The following OLA1 variants were observed in gnomAD, a reference collection of about 807,000 sequenced individuals.
The protein encoded by OLA1 is Obg like ATPase 1.
OLA1 carries 14 observed loss-of-function variants against 48.4 expected under a neutral mutation model. The ratio of observed to expected loss-of-function variants is 0.29; its 90% CI spans 0.19 to 0.45. The LOEUF is 0.45. Among genes scored for constraint, OLA1 ranks in the 20% least tolerant of loss-of-function variants. The pLI is 1.00. For synonymous variants in OLA1, 127 were observed against 150.4 expected (o/e 0.84, Z 1.14); for missense variants, 325 against 467.1 (o/e 0.70, Z 2.80).
intron 2 of OLA1, among the ~76,000 whole-genome samples, chr2:174,241,243 A>G (rs1000521464): frequency 6.6e-6 from 1 of 152,208 alleles, no homozygotes; most frequent in Non-Finnish European, 1.5e-5. Flanking sequence ...GAATGCAGTC[A>G]CATGAGGGAT....
intron 7 of OLA1, among the ~76,000 whole-genome samples, chr2:174,088,124 A>C (rs1685025071): frequency 6.6e-6 from 1 of 152,216 alleles, no homozygotes; most frequent in South Asian, 2.1e-4. Context: ...ACTTACATAA[A>C]AGAGGCTCCA....
chr2:174,242,867 A>G (rs1187526341), intron 2 of OLA1, among the ~76,000 whole-genome samples: 1 of 152,238 alleles, frequency 6.6e-6, no homozygotes. Flanking sequence ...AAGAAAAAGC[A>G]GTACAGAACT....
At chr2:174,162,465 A>G (rs1687032675) in intron 4 of OLA1, among the ~76,000 whole-genome samples, 1 of 152,172 alleles carries the variant, frequency 6.6e-6, no homozygotes, top group South Asian at 2.1e-4. Flanking sequence ...CTACGAAGGT[A>G]TTATTGCTTC....
At chr2:174,222,864 G>A (rs1031892563) in intron 4 of OLA1, among the ~76,000 whole-genome samples, 169 bp downstream of exon 4, 2 of 152,152 alleles carry the variant, frequency 1.3e-5, no homozygotes, top group Admixed American at 6.5e-5. Context: ...CTTCAGATAC[G>A]GAGATGATAC....
At chr2:174,166,477 A>T (rs552784859) in intron 4 of OLA1, among the ~76,000 whole-genome samples, 3 of 152,202 alleles carry the variant, frequency 2.0e-5, no homozygotes. Context: ...TGATCTGAAC[A>T]TGAACTCTCA....
chr2:174,129,802 T>C (rs1418291669), intron 5 of OLA1, among the ~76,000 whole-genome samples: 1 of 152,188 alleles, frequency 6.6e-6, no homozygotes, highest in Non-Finnish European at 1.5e-5. Context: ...CCACCATCTG[T>C]AATCCTAAAA....
chr2:174,226,198 C>CAA (rs532536178), intron 3 of OLA1, among the ~76,000 whole-genome samples: 5 of 83,596 alleles, frequency 6.0e-5, no homozygotes, highest in African/African-American at 1.5e-4. Context: ...GACTCCGTCT[C>CAA]AAAAAAAAAA....
At chr2:174,165,995 T>C (rs996898925) in intron 4 of OLA1, among the ~76,000 whole-genome samples, 1 of 151,944 alleles carries the variant, frequency 6.6e-6, no homozygotes, top group African/African-American at 2.4e-5. Context: ...CATGGTGGCA[T>C]GTGCCTGTAG....
chr2:174,212,710 C>A lies in OLA1; in HGVS notation c.373+10323G>T, dbSNP rs185565903. Reference sequence around the variant, plus strand: ...TTTAAATTTTATTTTTATTTTTAAACCTTTTTGTTAAAAACTAAGACACAA... The same window carrying A: ...TTTAAATTTTATTTTTATTTTTAAAACTTTTTGTTAAAAACTAAGACACAA... On this transcript the variant is annotated intron_variant, in intron 4 of 10. Transcript: ENST00000284719. Among the ~76,000 whole-genome samples the A allele has an allele frequency of 2.2e-4, 34 of 151,980 alleles. No individual in the cohort carries two copies. In the East Asian group the frequency reaches 5.6e-3, roughly 25 times the overall value.
At chr2:174,202,650 G>C (rs1688016413) in intron 4 of OLA1, among the ~76,000 whole-genome samples, 1 of 152,080 alleles carries the variant, frequency 6.6e-6, no homozygotes, top group African/African-American at 2.4e-5. Context: ...CCACTTAATA[G>C]GGACCGTAGA....
chr2:174,186,777 T>C (rs1207158885), intron 4 of OLA1, among the ~76,000 whole-genome samples: 2 of 151,978 alleles, frequency 1.3e-5, no homozygotes, highest in Non-Finnish European at 2.9e-5. Flanking sequence ...AAAAAGGAAA[T>C]GTTTATGTTT....
chr2:174,128,402 A>G (rs1042546691), intron 5 of OLA1, among the ~76,000 whole-genome samples: 107 of 150,798 alleles, frequency 7.1e-4, no homozygotes, highest in African/African-American at 2.5e-3. Flanking sequence ...CCTGTCTCCA[A>G]AAAAAAAATG....
chr2:174,183,533 A>G (rs943513372), intron 4 of OLA1, among the ~76,000 whole-genome samples: 1 of 152,212 alleles, frequency 6.6e-6, no homozygotes, highest in Non-Finnish European at 1.5e-5. Flanking sequence ...AGTACTCCCA[A>G]ATAGCTACCT....
chr2:174,242,486 G>A (rs1689026337), intron 2 of OLA1, among the ~76,000 whole-genome samples: 1 of 152,182 alleles, frequency 6.6e-6, no homozygotes, highest in African/African-American at 2.4e-5. Context: ...TCCCCAGCAT[G>A]AGGTTCGGGA....
At chr2:174,243,035 G>C (rs1464018116) in intron 2 of OLA1, among the ~76,000 whole-genome samples, 2 of 151,890 alleles carry the variant, frequency 1.3e-5, no homozygotes, top group East Asian at 1.9e-4. Context: ...TTCAGATGGA[G>C]TCTCGCTCTG....
At position 174,075,264 on chromosome 2, in the gene OLA1, G is replaced by GT. The variant is rs1010328017; in HGVS notation, c.*161_*162insA. ...GAACCTGCATTTCATGGGGGGGGGG[G>GT]GGTACACAGTATTTTAATTTTAAAA... On this transcript the variant is annotated 3_prime_UTR_variant, in exon 11 of 11. Transcript: ENST00000284719. 5.7e-6 allele frequency: 3 copies of GT among 521,746 alleles called. No individual in the cohort carries two copies. The highest frequency in any genetic ancestry group is 6.8e-6 in the Non-Finnish European group (2 of 293,384). 32.3% of individuals were successfully genotyped at this position (521,746 alleles called of 1,614,324 possible). A position where few individuals can be genotyped will look rare whatever the true frequency, so the allele number is the denominator to read the frequency against.
intron 4 of OLA1, among the ~76,000 whole-genome samples, chr2:174,170,498 A>G (rs1238266400): frequency 6.6e-6 from 1 of 152,220 alleles, no homozygotes; most frequent in Non-Finnish European, 1.5e-5. Context: ...ATCCAAACCT[A>G]TCAAGTCCAT....
At chr2:174,126,528 C>T (rs17239708) in intron 5 of OLA1, among the ~76,000 whole-genome samples, 1,587 of 152,174 alleles carry the variant, frequency 0.01, 17 homozygotes, top group Middle Eastern at 0.065. Flanking sequence ...TTGAACTTTT[C>T]GGTTAGACTG....
At chr2:174,194,957 C>A (rs1231138086) in intron 4 of OLA1, among the ~76,000 whole-genome samples, 2 of 151,984 alleles carry the variant, frequency 1.3e-5, no homozygotes, top group African/African-American at 4.8e-5. Flanking sequence ...CATATTTTCT[C>A]TCTCTCTCTC....
Sources: allele counts gnomAD v4.1 joint callset (sites outside exome capture counted in the v4.1 genomes callset), GRCh38; gene constraint gnomAD v4.1.1; transcripts MANE v1.5; gene names NCBI Gene and HGNC (gene_info 2026-07-23, HGNC 2026-07-21).